CDH12: variants seen among roughly 807,000 people sequenced by gnomAD.
CDH12 encodes cadherin 12, also known as cadherin-12.
CDH12 carries 41 observed loss-of-function variants against 74.1 expected under a neutral mutation model. The observed-to-expected ratio is 0.55, with a 90% CI of 0.43 to 0.72. The LOEUF is 0.72. Ranked by LOEUF, CDH12 falls within the 30% of genes least tolerant of loss-of-function variation. CDH12 has a pLI of 0.00. For missense variants in CDH12, 945 were observed against 977.2 expected, an observed-to-expected ratio of 0.97 and a Z score of 0.44; for synonymous variants, 399 against 355.0, an observed-to-expected ratio of 1.12 and a Z score of -1.39.
At chr5:21,875,129 G>A (rs541335366) in intron 6 of CDH12, among the ~76,000 whole-genome samples, 2 of 152,262 alleles carry the variant, frequency 1.3e-5, no homozygotes, top group East Asian at 3.9e-4. Flanking sequence ...CACCATTGGT[G>A]GGCATGTAAA....
intron 6 of CDH12, among the ~76,000 whole-genome samples, chr5:21,948,657 G>A (rs549118082): frequency 6.6e-6 from 1 of 152,132 alleles, no homozygotes; most frequent in East Asian, 1.9e-4. Flanking sequence ...CTGTTAGGAA[G>A]GCATGATGTT....
intron 3 of CDH12, among the ~76,000 whole-genome samples, chr5:22,318,941 G>A (rs1408848105): frequency 2.0e-5 from 3 of 151,950 alleles, no homozygotes; most frequent in African/African-American, 7.3e-5. Context: ...CTCTGTTTTG[G>A]GACAAAAAAA....
rs530476613 is a variant in CDH12 at position 22,393,000 on chromosome 5, T to C, written c.-333+12257A>G. Among the ~76,000 whole-genome samples the C allele has an allele frequency of 2.6e-5, 4 of 152,238 alleles. 1 individual carries two copies. In the South Asian group the frequency reaches 8.3e-4, roughly 32 times the overall value. On this transcript the variant is annotated intron_variant, in intron 3 of 14. Transcript: ENST00000382254. Reference sequence around the variant, plus strand: ...TTTTCTCACATAGATACCTCTTATATGGATCAGATTGAATGATATTCCCCA... The same window carrying C: ...TTTTCTCACATAGATACCTCTTATACGGATCAGATTGAATGATATTCCCCA...
At chr5:22,085,141 T>C (rs1001193314) in intron 4 of CDH12, among the ~76,000 whole-genome samples, 1 of 151,880 alleles carries the variant, frequency 6.6e-6, no homozygotes, top group East Asian at 1.9e-4. Flanking sequence ...GGATGATGAC[T>C]CTCTGGAGCC....
At chr5:22,550,174 T>A (rs1738505658) in intron 1 of CDH12, among the ~76,000 whole-genome samples, 1 of 152,222 alleles carries the variant, frequency 6.6e-6, no homozygotes, top group Non-Finnish European at 1.5e-5. Context: ...TTTCTCCTTC[T>A]CAGATCAATA....
intron 1 of CDH12, among the ~76,000 whole-genome samples, chr5:22,677,419 C>T (rs182493245): frequency 1.3e-4 from 20 of 151,706 alleles, no homozygotes; most frequent in African/African-American, 4.1e-4. Context: ...TCAGAGACAG[C>T]GCTTTCCAGT....
intron 5 of CDH12, among the ~76,000 whole-genome samples, chr5:22,017,730 A>C (rs1009650268): frequency 6.6e-6 from 1 of 151,110 alleles, no homozygotes; most frequent in African/African-American, 2.4e-5. Flanking sequence ...AGCTGATTTA[A>C]TTTTTCTACT....
intron 1 of CDH12, among the ~76,000 whole-genome samples, chr5:22,592,442 T>C (rs1426635200): frequency 6.6e-6 from 1 of 152,236 alleles, no homozygotes; most frequent in Non-Finnish European, 1.5e-5. Flanking sequence ...CTTCTCCTTC[T>C]TCTAGAATCA....
intron 5 of CDH12, among the ~76,000 whole-genome samples, chr5:22,073,246 T>C (rs187779589): frequency 4.7e-4 from 71 of 152,268 alleles, no homozygotes; most frequent in African/African-American, 1.6e-3. Context: ...TACTTCTTTA[T>C]TTTTTGCCCT....
intron 1 of CDH12, among the ~76,000 whole-genome samples, chr5:22,597,637 T>C (rs1391947495): frequency 6.6e-6 from 1 of 152,208 alleles, no homozygotes; most frequent in East Asian, 1.9e-4. Flanking sequence ...TGTTCATCTC[T>C]TATCTCCAGA....
chr5:22,200,148 T>A (rs1750845818), intron 4 of CDH12, among the ~76,000 whole-genome samples: 1 of 152,162 alleles, frequency 6.6e-6, no homozygotes, highest in Non-Finnish European at 1.5e-5. Context: ...CATTTAATTA[T>A]TGTAATATTA....
intron 8 of CDH12, among the ~76,000 whole-genome samples, chr5:21,831,071 A>C (rs1032240473): frequency 8.6e-5 from 13 of 151,218 alleles, no homozygotes; most frequent in African/African-American, 2.2e-4. Context: ...AACAAACAAA[A>C]AAAAACCAAG....
chr5:22,301,808 T>G (rs1737893969), intron 3 of CDH12, among the ~76,000 whole-genome samples: 1 of 151,912 alleles, frequency 6.6e-6, no homozygotes. Context: ...ATTTATTTAT[T>G]TATTTATTCA....
At chr5:22,647,615 C>G (rs902485140) in intron 1 of CDH12, among the ~76,000 whole-genome samples, 2 of 151,606 alleles carry the variant, frequency 1.3e-5, no homozygotes, top group Non-Finnish European at 3.0e-5. Flanking sequence ...GGACTTTGAT[C>G]TCATAGAATT....
At position 21,802,593 on chromosome 5, in the gene CDH12, C is replaced by CTTTTTTTTTTT. The variant is rs35742047; in HGVS notation, c.1003-184_1003-174dup. ...AGCACAAGGCAAACCATTTTTTTTT[C>CTTTTTTTTTTT]TTTTTTTTTTTTTTTTGAGACAGAG... On this transcript the variant is annotated intron_variant, in intron 9 of 14. Transcript: ENST00000382254. Among the ~76,000 whole-genome samples the CTTTTTTTTTTT allele has an allele frequency of 2.5e-5, 3 of 120,192 alleles. 1 individual carries two copies. 78.9% of individuals were successfully genotyped at this position (120,192 alleles called of 152,430 possible). A position where few individuals can be genotyped will look rare whatever the true frequency, so the allele number is the denominator to read the frequency against.
chr5:22,473,194 C>T (rs1746038407), intron 2 of CDH12, among the ~76,000 whole-genome samples: 1 of 152,040 alleles, frequency 6.6e-6, no homozygotes, highest in East Asian at 1.9e-4. Context: ...TAAACCACAT[C>T]TCTGCTAACA....
intron 5 of CDH12, among the ~76,000 whole-genome samples, chr5:22,068,960 A>G (rs1343684907): frequency 2.0e-5 from 3 of 152,174 alleles, no homozygotes; most frequent in African/African-American, 2.4e-5. Context: ...ATATGGCACC[A>G]TTCCCCAAGG....
intron 6 of CDH12, among the ~76,000 whole-genome samples, chr5:21,963,051 A>G (rs944279487): frequency 9.2e-5 from 14 of 152,120 alleles, no homozygotes; most frequent in Non-Finnish European, 5.9e-5. Flanking sequence ...AGCAGCTCTC[A>G]GATAACAATC....
intron 1 of CDH12, among the ~76,000 whole-genome samples, chr5:22,730,690 C>G (rs1271183753): frequency 6.6e-6 from 1 of 151,578 alleles, no homozygotes; most frequent in Admixed American, 6.6e-5. Context: ...TGGGAACTCT[C>G]AAGTTTTAAC....
Sources: allele counts gnomAD v4.1 joint callset (sites outside exome capture counted in the v4.1 genomes callset), GRCh38; gene constraint gnomAD v4.1.1; transcripts MANE v1.5; gene names NCBI Gene and HGNC (gene_info 2026-07-23, HGNC 2026-07-21).